RNF169: variants seen among roughly 807,000 people sequenced by gnomAD.
The protein encoded by RNF169 is ring finger protein 169.
In RNF169, 24 loss-of-function variants were observed where a neutral mutation model predicts 53.9. That is an observed-to-expected ratio of 0.45 (90% CI 0.32 to 0.63). RNF169 has a LOEUF of 0.63. Among genes scored for constraint, RNF169 ranks in the 20% least tolerant of loss-of-function variants. The probability of loss-of-function intolerance (pLI) is 0.04; values close to 1 mark genes in which losing one functional copy is unlikely to be tolerated. For missense variants in RNF169, 883 were observed against 906.2 expected, an observed-to-expected ratio of 0.97 and a Z score of 0.33; for synonymous variants, 396 against 363.5, an observed-to-expected ratio of 1.09 and a Z score of -1.02.
chr11:74,832,195 GGTCA>G (rs1211761146), intron 4 of RNF169: 2 of 152,070 alleles, frequency 1.3e-5, no homozygotes, highest in African/African-American at 2.4e-5. Context: ...CACAGTTGGT[GGTCA>G]GTAAGAAGTC....
intron 4 of RNF169, among the ~76,000 whole-genome samples, chr11:74,820,961 C>T (rs1037254456): frequency 1.3e-5 from 2 of 152,140 alleles, no homozygotes; most frequent in African/African-American, 2.4e-5. Context: ...AAATGTGTGA[C>T]ATCACTGTTT....
At chr11:74,765,055 T>C (rs1267954226) in intron 1 of RNF169, among the ~76,000 whole-genome samples, 1 of 151,928 alleles carries the variant, frequency 6.6e-6, no homozygotes, top group Non-Finnish European at 1.5e-5. Context: ...CTACTAAAAA[T>C]CAAGTTAGCC....
At chr11:74,756,550 G>C (rs2034986335) in intron 1 of RNF169, among the ~76,000 whole-genome samples, 1 of 152,190 alleles carries the variant, frequency 6.6e-6, no homozygotes, top group African/African-American at 2.4e-5. Flanking sequence ...TTTTCACAAA[G>C]AAGATAATCT....
chr11:74,791,283 T>C (rs748946429), intron 2 of RNF169, among the ~76,000 whole-genome samples: 3 of 152,090 alleles, frequency 2.0e-5, no homozygotes, highest in Non-Finnish European at 4.4e-5. Flanking sequence ...GATTGGTCCA[T>C]GGGCAGGCCT....
At chr11:74,762,986 T>G (rs2035112152) in intron 1 of RNF169, among the ~76,000 whole-genome samples, 1 of 152,188 alleles carries the variant, frequency 6.6e-6, no homozygotes, top group South Asian at 2.1e-4. Context: ...AGTTGAGATT[T>G]TTGATGTGCT....
intron 4 of RNF169, among the ~76,000 whole-genome samples, chr11:74,820,300 T>C (rs988819774): frequency 6.8e-4 from 103 of 152,172 alleles, no homozygotes; most frequent in African/African-American, 2.4e-3. Flanking sequence ...TTCAGTCTCA[T>C]CTAGGTAAAA....
chr11:74,776,271 C>T (rs1300226961), intron 1 of RNF169, among the ~76,000 whole-genome samples: 1 of 152,096 alleles, frequency 6.6e-6, no homozygotes, highest in Non-Finnish European at 1.5e-5. Context: ...TCCCTTCCTT[C>T]TGTTTTGCCA....
At chr11:74,796,630 C>G (rs967224156) in intron 2 of RNF169, among the ~76,000 whole-genome samples, 8 of 151,832 alleles carry the variant, frequency 5.3e-5, no homozygotes, top group African/African-American at 1.9e-4. Context: ...CCAGGATGGT[C>G]TTGTCTTCTT....
intron 3 of RNF169, among the ~76,000 whole-genome samples, chr11:74,816,061 GTAAT>G (rs2135125587): frequency 6.6e-6 from 1 of 152,244 alleles, no homozygotes; most frequent in African/African-American, 2.4e-5. Flanking sequence ...TCTGTAAATT[GTAAT>G]TCTTCAAATC....
At chr11:74,817,485 G>A in intron 3 of RNF169, 111 bp from the exon 4 acceptor site, 2 of 692,104 alleles carry the variant, frequency 2.9e-6, no homozygotes, top group South Asian at 1.8e-5. Flanking sequence ...TGGAAACATA[G>A]GTTGGAGCTC....
Position 74,838,313 on chromosome 11 carries a change from C to A in RNF169, c.*1583C>A, listed in dbSNP as rs541153708. The A allele has an allele frequency of 6.6e-6, 1 of 152,080 alleles. No individual in the cohort carries two copies. The highest frequency in any genetic ancestry group is 2.1e-4 in the South Asian group (1 of 4,818). 9.4% of individuals were successfully genotyped at this position (152,080 alleles called of 1,614,324 possible). A position where few individuals can be genotyped will look rare whatever the true frequency, so the allele number is the denominator to read the frequency against. ...TTCTCAGATTTGCCTTTTCTCAGGG[C>A]AAATCTTCAGTGTTTTGTGGTTATT... On this transcript the variant is annotated 3_prime_UTR_variant, in exon 6 of 6. Coordinates refer to ENST00000299563, the MANE Select transcript of RNF169 (RefSeq NM_001098638.2).
chr11:74,822,830 G>A (rs992049293), intron 4 of RNF169, among the ~76,000 whole-genome samples: 2 of 152,110 alleles, frequency 1.3e-5, no homozygotes, highest in Non-Finnish European at 2.9e-5. Flanking sequence ...ATAGAAAGAG[G>A]TTATTTCTGC....
intron 1 of RNF169, among the ~76,000 whole-genome samples, chr11:74,773,304 A>G (rs17133441): frequency 0.054 from 8,273 of 152,280 alleles, 310 homozygotes; most frequent in South Asian, 0.2. Flanking sequence ...CAACTAGTCA[A>G]TCTTTAACAC....
intron 2 of RNF169, among the ~76,000 whole-genome samples, chr11:74,795,487 A>G (rs2035635307): frequency 6.6e-6 from 1 of 152,162 alleles, no homozygotes; most frequent in Non-Finnish European, 1.5e-5. Flanking sequence ...CCCAGTTTTA[A>G]AGGAATGCTG....
intron 1 of RNF169, among the ~76,000 whole-genome samples, chr11:74,777,563 C>T (rs2035354609): frequency 6.6e-6 from 1 of 152,034 alleles, no homozygotes; most frequent in Non-Finnish European, 1.5e-5. Context: ...GTTGTTGGGG[C>T]CATTTCTGGA....
chr11:74,780,220 C>T (rs2035397189), intron 1 of RNF169, among the ~76,000 whole-genome samples: 1 of 152,176 alleles, frequency 6.6e-6, no homozygotes. Flanking sequence ...ACTTGAATCA[C>T]CCATGTTCTG....
intron 3 of RNF169, among the ~76,000 whole-genome samples, chr11:74,811,068 T>C (rs1057260466): frequency 6.6e-6 from 1 of 152,172 alleles, no homozygotes; most frequent in Non-Finnish European, 1.5e-5. Flanking sequence ...AGGTTGTCTT[T>C]CTGGTCAGCT....
At chr11:74,831,802 TG>T (rs2036183051) in intron 4 of RNF169, 1 of 151,820 alleles carries the variant, frequency 6.6e-6, no homozygotes, top group African/African-American at 2.4e-5. Context: ...AGGGTAGACA[TG>T]TAAATCCATG....
intron 4 of RNF169, among the ~76,000 whole-genome samples, chr11:74,820,380 T>C (rs1012864806): frequency 2.0e-5 from 3 of 151,968 alleles, no homozygotes; most frequent in African/African-American, 7.3e-5. Context: ...AGATTCTTCC[T>C]CTAAAATGGA....
Sources: allele counts gnomAD v4.1 joint callset (sites outside exome capture counted in the v4.1 genomes callset), GRCh38; gene constraint gnomAD v4.1.1; transcripts MANE v1.5; gene names NCBI Gene and HGNC (gene_info 2026-07-23, HGNC 2026-07-21).